The following PTPRT variants were observed in gnomAD, a reference collection of about 807,000 sequenced individuals.
PTPRT encodes the protein protein tyrosine phosphatase receptor type T, also known as receptor-type tyrosine-protein phosphatase T.
PTPRT carries 56 observed loss-of-function variants against 176.8 expected under a neutral mutation model. The ratio of observed to expected loss-of-function variants is 0.32; its 90% CI spans 0.26 to 0.40. PTPRT has a LOEUF of 0.40. PTPRT is among the 10% of genes least tolerant of loss of function. PTPRT has a pLI of 1.00. For missense variants in PTPRT, 1,540 were observed against 1,908.2 expected, an observed-to-expected ratio of 0.81 and a Z score of 3.60; for synonymous variants, 783 against 739.0, an observed-to-expected ratio of 1.06 and a Z score of -0.96.
At chr20:43,071,524 C>T (rs7273028) in intron 1 of PTPRT, among the ~76,000 whole-genome samples, 15,773 of 152,188 alleles carry the variant, frequency 0.1, 1,030 homozygotes, top group African/African-American at 0.17. Flanking sequence ...GTGGCTCATG[C>T]CTGTAATCCC....
In PTPRT at chr20:42,637,870, G is replaced by T. The variant is rs111337243; in HGVS notation, c.1153+39996C>A. ...GCCTCCAAACTGACAAAGCTAAGAG[G>T]GTAAAGGTCTGAGATTTAAAAATCA... On this transcript the variant is annotated intron_variant, in intron 7 of 30. Coordinates refer to ENST00000373187, the MANE Select transcript of PTPRT (RefSeq NM_007050.6). 3.8e-3 allele frequency among the ~76,000 whole-genome samples: 585 copies of T among 152,114 alleles called. 8 individuals are homozygous for T. Among genetic ancestry groups the T allele is most frequent in the African/African-American group, 0.014 (567 of 41,506 alleles).
intron 6 of PTPRT, among the ~76,000 whole-genome samples, chr20:42,732,893 C>T (rs1355380121): frequency 6.6e-6 from 1 of 152,170 alleles, no homozygotes. Flanking sequence ...CAAAAGATCC[C>T]TGGATACTTA....
At chr20:42,578,649 T>C (rs2073308949) in intron 7 of PTPRT, among the ~76,000 whole-genome samples, 1 of 152,186 alleles carries the variant, frequency 6.6e-6, no homozygotes, top group South Asian at 2.1e-4. Flanking sequence ...ATCTGTTGGC[T>C]GGATCTTAAA....
At chr20:43,056,383 C>A (rs559729140) in intron 1 of PTPRT, among the ~76,000 whole-genome samples, 1 of 152,292 alleles carries the variant, frequency 6.6e-6, no homozygotes, top group South Asian at 2.1e-4. Flanking sequence ...CTGTATGATG[C>A]CACTTCTGGG....
intron 2 of PTPRT, among the ~76,000 whole-genome samples, chr20:42,803,532 G>A (rs902337047): frequency 6.6e-6 from 1 of 152,194 alleles, no homozygotes; most frequent in Non-Finnish European, 1.5e-5. Context: ...TGGGTCCAGA[G>A]CCTGTGCTTT....
At chr20:42,583,588 A>G (rs2073416819) in intron 7 of PTPRT, among the ~76,000 whole-genome samples, 1 of 152,128 alleles carries the variant, frequency 6.6e-6, no homozygotes, top group Non-Finnish European at 1.5e-5. Context: ...ATGGGTACAC[A>G]AATACAAACA....
chr20:42,496,044 G>C (rs1247605232), intron 7 of PTPRT, among the ~76,000 whole-genome samples: 1 of 152,138 alleles, frequency 6.6e-6, no homozygotes, highest in African/African-American at 2.4e-5. Context: ...AATAAAGTAA[G>C]CTAGAGAAAA....
Position 42,368,882 on chromosome 20 carries a change from C to T in PTPRT, c.1561-16597G>A, listed in dbSNP as rs115359729. On this transcript the variant is annotated intron_variant, in intron 9 of 30. Transcript: ENST00000373187. ...GCTGTCTCACTGGGTTCACTGTTAG[C>T]CTCAGAGGGGGTTATACAGTGTCTC... Among the ~76,000 whole-genome samples, 216 of 152,264 alleles carry T rather than the reference C, an allele frequency of 1.4e-3. 1 individual carries two copies. Among genetic ancestry groups the T allele is most frequent in the African/African-American group, 4.8e-3 (200 of 41,540 alleles).
chr20:42,133,263 T>C (rs759189962), intron 18 of PTPRT, among the ~76,000 whole-genome samples: 4 of 152,222 alleles, frequency 2.6e-5, no homozygotes, highest in African/African-American at 9.6e-5. Context: ...TTTTGACTTA[T>C]GATATTTTAA....
intron 2 of PTPRT, among the ~76,000 whole-genome samples, chr20:42,855,664 T>C (rs2078551013): frequency 6.8e-6 from 1 of 146,836 alleles, no homozygotes; most frequent in Admixed American, 6.8e-5. Flanking sequence ...ACTCTTGACC[T>C]CAAGCAATCT....
chr20:42,837,695 G>C (rs903396825), intron 2 of PTPRT, among the ~76,000 whole-genome samples: 2 of 152,204 alleles, frequency 1.3e-5, no homozygotes, highest in Non-Finnish European at 2.9e-5. Flanking sequence ...GCCTATTCCA[G>C]TGCTTAGCAA....
At chr20:42,458,838 G>A (rs573698482) in intron 8 of PTPRT, among the ~76,000 whole-genome samples, 1 of 152,028 alleles carries the variant, frequency 6.6e-6, no homozygotes, top group Non-Finnish European at 1.5e-5. Context: ...TGTATTTATT[G>A]TGTCCTTATT....
chr20:42,252,729 T>C (rs551944257), intron 13 of PTPRT, among the ~76,000 whole-genome samples: 4 of 152,152 alleles, frequency 2.6e-5, no homozygotes. Context: ...GCAACGACCA[T>C]AAACCTACAA....
chr20:42,598,024 A>G (rs1011133020), intron 7 of PTPRT, among the ~76,000 whole-genome samples: 5 of 152,298 alleles, frequency 3.3e-5, no homozygotes, highest in Non-Finnish European at 5.9e-5. Flanking sequence ...CCTTTTCATC[A>G]TTCTGCTATT....
chr20:42,249,432 T>C (rs1001063504), intron 13 of PTPRT, among the ~76,000 whole-genome samples: 11 of 152,362 alleles, frequency 7.2e-5, no homozygotes, highest in Non-Finnish European at 1.5e-4. Context: ...CAACATGCTC[T>C]ACCAGGTGTT....
Position 42,073,011 on chromosome 20 carries a change from T to A in PTPRT, c.*7868A>T, listed in dbSNP as rs189554157. On this transcript the variant is annotated 3_prime_UTR_variant, in exon 31 of 31. Transcript: ENST00000373187. ...ATTGACAGCACAGTGCTGGCTTTTT[T>A]AAAAAGTTGATTTATTTTGTTTTCT... is the stretch of plus-strand genomic sequence containing the variant. The A allele has an allele frequency of 2.8e-4, 62 of 224,054 alleles. No homozygotes were observed. The East Asian group carries it at 3.7e-3, about 13-fold the overall frequency. 13.9% of individuals were successfully genotyped at this position (224,054 alleles called of 1,614,324 possible).
intron 13 of PTPRT, among the ~76,000 whole-genome samples, chr20:42,263,371 CTTTTTTTTTT>C (rs11477690): frequency 2.2e-4 from 11 of 50,976 alleles, no homozygotes; most frequent in South Asian, 6.3e-4. Flanking sequence ...CCATGCCTGG[CTTTTTTTTTT>C]TTTTTTTTTT....
chr20:42,818,363 CA>C (rs35133574), intron 2 of PTPRT, among the ~76,000 whole-genome samples: 12,054 of 146,348 alleles, frequency 0.082, 583 homozygotes, highest in Admixed American at 0.15. Context: ...CAAAAAGACC[CA>C]AAAAAAAAAC....
At chr20:42,987,632 C>T (rs530880749) in intron 1 of PTPRT, among the ~76,000 whole-genome samples, 2 of 151,928 alleles carry the variant, frequency 1.3e-5, no homozygotes, top group South Asian at 4.2e-4. Flanking sequence ...ACCCCGCCCA[C>T]ACTCCGCCCA....
Sources: allele counts gnomAD v4.1 joint callset (sites outside exome capture counted in the v4.1 genomes callset), GRCh38; gene constraint gnomAD v4.1.1; transcripts MANE v1.5; gene names NCBI Gene and HGNC (gene_info 2026-07-23, HGNC 2026-07-21).